Variants in DMRT1 observed in about 807,000 individuals in gnomAD.
DMRT1 encodes doublesex- and mab-3-related transcription factor 1.
DMRT1 carries 7 observed loss-of-function variants against 32.3 expected under a neutral mutation model. The observed-to-expected ratio is 0.22, with a 90% confidence interval of 0.12 to 0.41. The LOEUF is 0.41. DMRT1 is among the 10% of genes least tolerant of loss of function. The pLI is 1.00. For missense variants in DMRT1, 625 were observed against 500.5 expected, an observed-to-expected ratio of 1.25 and a Z score of -2.37; for synonymous variants, 278 against 206.1, an observed-to-expected ratio of 1.35 and a Z score of -2.99.
intron 3 of DMRT1, among the ~76,000 whole-genome samples, chr9:915,215 G>A (rs1818131228): frequency 6.6e-6 from 1 of 152,152 alleles, no homozygotes; most frequent in African/African-American, 2.4e-5. Flanking sequence ...GTCCAGCTCT[G>A]TTGTTGCCGT....
intron 2 of DMRT1, among the ~76,000 whole-genome samples, chr9:875,513 C>T (rs1816459218): frequency 6.6e-6 from 1 of 152,116 alleles, no homozygotes; most frequent in Non-Finnish European, 1.5e-5. Context: ...TTTCAGAAAG[C>T]ATGTTAGGTT....
At chr9:956,033 G>C (rs1255349146) in intron 4 of DMRT1, among the ~76,000 whole-genome samples, 3 of 152,232 alleles carry the variant, frequency 2.0e-5, no homozygotes, top group Non-Finnish European at 4.4e-5. Flanking sequence ...ATGACCATTA[G>C]TGCATGGATG....
At chr9:861,875 G>C (rs1212059352) in intron 2 of DMRT1, among the ~76,000 whole-genome samples, 1 of 151,222 alleles carries the variant, frequency 6.6e-6, no homozygotes. Flanking sequence ...GGTCGCGGCC[G>C]GGCAGAGGCA....
chr9:922,856 C>T (rs933979900), intron 4 of DMRT1, among the ~76,000 whole-genome samples: 47 of 151,672 alleles, frequency 3.1e-4, no homozygotes, highest in African/African-American at 1.0e-3. Context: ...TCAGCAGTTC[C>T]GTGAAGCGAG....
intron 2 of DMRT1, among the ~76,000 whole-genome samples, chr9:867,293 G>T (rs1401466215): frequency 6.6e-6 from 1 of 151,920 alleles, no homozygotes; most frequent in African/African-American, 2.4e-5. Context: ...AAGAAGTGAC[G>T]TTTGTCAAAC....
chr9:903,033 G>C (rs1346072649), intron 3 of DMRT1, among the ~76,000 whole-genome samples: 4 of 152,188 alleles, frequency 2.6e-5, no homozygotes, highest in African/African-American at 9.7e-5. Context: ...TGTTCCCTGA[G>C]TTTGGGGGTC....
chr9:905,462 A>G (rs1020666359), intron 3 of DMRT1, among the ~76,000 whole-genome samples: 17 of 116,274 alleles, frequency 1.5e-4, no homozygotes, highest in Non-Finnish European at 2.9e-4. Flanking sequence ...CTGTCTCCTC[A>G]CTCCCTTGCC....
chr9:917,103 T>G (rs527708665), intron 4 of DMRT1, among the ~76,000 whole-genome samples, 196 bp downstream of exon 4: 233 of 152,332 alleles, frequency 1.5e-3, no homozygotes, highest in African/African-American at 5.2e-3. Context: ...AATATCATGT[T>G]TTTTTTCCTT....
At chr9:862,008 A>G (rs1815721343) in intron 2 of DMRT1, among the ~76,000 whole-genome samples, 2 of 148,496 alleles carry the variant, frequency 1.3e-5, no homozygotes, top group Non-Finnish European at 3.0e-5. Flanking sequence ...GGTGCTCCTC[A>G]CTTCCCAGAC....
Position 967,973 on chromosome 9 carries a change from C to T in DMRT1, c.968-12C>T, listed in dbSNP as rs745810551. ...CTCCCTTTCTCTCTTTCTCTCTCACCTCACTTCGCAGTATTCTCGCCGCCC... is the reference window on the plus strand; with the variant it reads ...CTCCCTTTCTCTCTTTCTCTCTCACTTCACTTCGCAGTATTCTCGCCGCCC... On this transcript the variant is annotated splice_polypyrimidine_tract_variant and intron_variant, in intron 4 of 4. Coordinates refer to ENST00000382276, the MANE Select transcript of DMRT1 (RefSeq NM_021951.3). 7.5e-6 allele frequency: 12 copies of T among 1,599,546 alleles called. No individual in the cohort carries two copies. The highest frequency in any genetic ancestry group is 1.0e-5 in the Non-Finnish European group (12 of 1,175,826).
intron 2 of DMRT1, among the ~76,000 whole-genome samples, chr9:864,907 A>G (rs538954724): frequency 1.3e-5 from 2 of 152,284 alleles, no homozygotes; most frequent in African/African-American, 4.8e-5. Flanking sequence ...ATGGTTTGGA[A>G]GTTTTACAGT....
Position 841,916 on chromosome 9 carries a change from C to T in DMRT1, c.78C>T (p.Gly26=). 3 of 1,609,140 alleles carry T rather than the reference C, an allele frequency of 1.9e-6. No homozygotes were observed. Among genetic ancestry groups the T allele is most frequent in the African/African-American group, 1.3e-5 (1 of 74,934 alleles). ...APHAPGVPPQ[G]RAGGFGKASG... is the part of the protein sequence containing the mutation. ...ACGCCCCCGGGGTACCGCCGCAGGG[C>T]AGAGCCGGGGGCTTTGGCAAAGCGT... Residue 26 remains glycine (G), a synonymous_variant, in exon 1 of 5, where the codon GGC becomes GGT. Transcript: ENST00000382276.
Position 945,986 on chromosome 9 carries a change from A to G in DMRT1, c.968-21999A>G, listed in dbSNP as rs115273949. ...CTCAGCACTTTCCTTTTTTCAATCAATGCTTGGTCTTAGAGATCTTACATG... is the reference window on the plus strand; with the variant it reads ...CTCAGCACTTTCCTTTTTTCAATCAGTGCTTGGTCTTAGAGATCTTACATG... On this transcript the variant is annotated intron_variant, in intron 4 of 4. Transcript: ENST00000382276. 3.6e-3 allele frequency among the ~76,000 whole-genome samples: 546 copies of G among 152,162 alleles called. 4 individuals carry two copies. The highest frequency in any genetic ancestry group is 0.013 in the African/African-American group (522 of 41,518).
In DMRT1 at chr9:965,712, G is replaced by A. The variant is rs1300787101; in HGVS notation, c.968-2273G>A. ...CTCTGCATCAGCTTGGCAAAGGTCCGTTGCTTTGCCTCCTTAAACTCACAC... is the reference window on the plus strand; with the variant it reads ...CTCTGCATCAGCTTGGCAAAGGTCCATTGCTTTGCCTCCTTAAACTCACAC... On this transcript the variant is annotated intron_variant, in intron 4 of 4. Coordinates refer to ENST00000382276, the MANE Select transcript of DMRT1 (RefSeq NM_021951.3). This position sits in a 1 kb window ranked among gnomAD's most constrained non-coding sequence, Gnocchi z 4.5. 6.6e-6 allele frequency among the ~76,000 whole-genome samples: 1 copy of A among 152,156 alleles called. No individual in the cohort carries two copies. The highest frequency in any genetic ancestry group is 2.1e-4 in the South Asian group (1 of 4,822).
intron 1 of DMRT1, among the ~76,000 whole-genome samples, chr9:843,465 C>T (rs897884177): frequency 1.8e-4 from 28 of 152,210 alleles, no homozygotes; most frequent in African/African-American, 6.5e-4. Context: ...TGTTTTAAAG[C>T]ACGCTTAAGA....
intron 2 of DMRT1, among the ~76,000 whole-genome samples, chr9:861,059 T>TC: frequency 6.6e-6 from 1 of 150,946 alleles, no homozygotes; most frequent in Non-Finnish European, 1.5e-5. Flanking sequence ...TCTTTTTTTT[T>TC]TTTTTTTTTT....
intron 2 of DMRT1, among the ~76,000 whole-genome samples, chr9:892,528 A>C (rs1212137276): frequency 1.3e-5 from 2 of 151,658 alleles, no homozygotes; most frequent in East Asian, 3.9e-4. Context: ...TTCATCCCCC[A>C]CATGTCCCTG....
intron 2 of DMRT1, among the ~76,000 whole-genome samples, chr9:847,432 A>T (rs1478834578): frequency 6.6e-6 from 1 of 152,060 alleles, no homozygotes; most frequent in Non-Finnish European, 1.5e-5. Context: ...ATCTCAGTCC[A>T]CCCCTTCATT....
intron 4 of DMRT1, among the ~76,000 whole-genome samples, chr9:946,271 T>G (rs937409441): frequency 1.3e-5 from 2 of 152,174 alleles, no homozygotes; most frequent in Admixed American, 1.3e-4. Flanking sequence ...TGGCTGCACC[T>G]GGTTACAATC....
Sources: gnomAD v4.1 joint callset for allele counts (sites outside exome capture counted in the v4.1 genomes callset) on GRCh38, gnomAD v4.1.1 for gene constraint, Gnocchi (gnomAD v3.1) non-coding constraint, MANE v1.5 for transcripts, NCBI Gene and HGNC (gene_info 2026-07-23, HGNC 2026-07-21) for gene names.